CELF4: variants seen among roughly 807,000 people sequenced by gnomAD.
CELF4 encodes the protein CUGBP Elav-like family member 4.
A neutral mutation model predicts 59.9 loss-of-function variants in CELF4; 18 were observed. The ratio of observed to expected loss-of-function variants is 0.30; its 90% CI spans 0.21 to 0.45. The LOEUF is 0.45. Among genes scored for constraint, CELF4 ranks in the 20% least tolerant of loss-of-function variants. The pLI is 1.00. For synonymous variants in CELF4, 261 were observed against 267.1 expected (o/e 0.98, Z 0.22); for missense variants, 456 against 689.0 (o/e 0.66, Z 3.79).
chr18:37,472,680 T>C (rs2099836853), intron 2 of CELF4, among the ~76,000 whole-genome samples: 1 of 152,126 alleles, frequency 6.6e-6, no homozygotes, highest in Non-Finnish European at 1.5e-5. Context: ...GTGGTGGAGC[T>C]GGGATTGGAG....
intron 2 of CELF4, among the ~76,000 whole-genome samples, chr18:37,325,672 G>A (rs1038094008): frequency 2.0e-5 from 3 of 152,184 alleles, no homozygotes; most frequent in Non-Finnish European, 2.9e-5. Context: ...GTTTTACTGT[G>A]GGCTTTCTGA....
chr18:37,462,368 T>A (rs745862022), intron 2 of CELF4, among the ~76,000 whole-genome samples: 9 of 152,182 alleles, frequency 5.9e-5, no homozygotes, highest in Non-Finnish European at 1.2e-4. Flanking sequence ...TGGTGCCACA[T>A]CTCCTCTCCT....
rs539102182 is a variant in CELF4 at position 37,263,905 on chromosome 18, T to C, written c.1249+769A>G. On this transcript the variant is annotated intron_variant, in intron 10 of 12. Transcript: ENST00000420428. ...TGATAAACTCATCTCCCTCTCTCATTCCCCTCAGCCATGAGCACTCCTACT... is the reference window on the plus strand; with the variant it reads ...TGATAAACTCATCTCCCTCTCTCATCCCCCTCAGCCATGAGCACTCCTACT... 2.0e-5 allele frequency among the ~76,000 whole-genome samples: 3 copies of C among 151,912 alleles called. No homozygotes were observed. The South Asian group carries it at 6.3e-4, about 32-fold the overall frequency.
At chr18:37,409,846 C>A (rs546099728) in intron 2 of CELF4, among the ~76,000 whole-genome samples, 40 of 152,286 alleles carry the variant, frequency 2.6e-4, no homozygotes, top group Non-Finnish European at 5.0e-4. Context: ...GCCCAACCAC[C>A]TGCCATTCTG....
At chr18:37,494,557 G>A (rs2099922778) in intron 1 of CELF4, among the ~76,000 whole-genome samples, 1 of 152,172 alleles carries the variant, frequency 6.6e-6, no homozygotes, top group Admixed American at 6.5e-5. Context: ...TTGGCAGAGG[G>A]CCTTGATTTG....
At chr18:37,302,274 G>A (rs1237089069) in intron 3 of CELF4, among the ~76,000 whole-genome samples, 1 of 152,126 alleles carries the variant, frequency 6.6e-6, no homozygotes, top group Non-Finnish European at 1.5e-5. Flanking sequence ...TGCTGCTGGA[G>A]TTGGCTAAGC....
At chr18:37,461,096 G>T (rs2099792220) in intron 2 of CELF4, among the ~76,000 whole-genome samples, 1 of 152,168 alleles carries the variant, frequency 6.6e-6, no homozygotes, top group Non-Finnish European at 1.5e-5. Context: ...GGTATGAGAG[G>T]CTTGGGAGAA....
intron 1 of CELF4, among the ~76,000 whole-genome samples, chr18:37,560,932 G>C (rs2155952): frequency 0.85 from 129,075 of 152,202 alleles, 57,734 homozygotes; most frequent in Non-Finnish European, 0.98. Flanking sequence ...TCACAAATCA[G>C]CAAAACATAT....
intron 1 of CELF4, among the ~76,000 whole-genome samples, chr18:37,512,578 C>A (rs1422024350): frequency 6.6e-6 from 1 of 151,594 alleles, no homozygotes; most frequent in Non-Finnish European, 1.5e-5. Flanking sequence ...ATCTTGACAC[C>A]TTTCTCGTCT....
intron 2 of CELF4, among the ~76,000 whole-genome samples, chr18:37,470,891 A>ATGTGTGTGTGTGT (rs1491153845): frequency 1.5e-4 from 4 of 25,984 alleles, no homozygotes; most frequent in African/African-American, 5.3e-4. Context: ...TGTGTGTGAC[A>ATGTGTGTGTGTGT]GAGAGAGAGA....
chr18:37,251,925 G>GAAAC (rs1306855911), intron 12 of CELF4, among the ~76,000 whole-genome samples: 1 of 152,174 alleles, frequency 6.6e-6, no homozygotes, highest in Non-Finnish European at 1.5e-5. Flanking sequence ...GCAAGGATGG[G>GAAAC]AAACAAGCCA....
At chr18:37,473,656 C>T (rs1024807593) in intron 2 of CELF4, 2 of 152,220 alleles carry the variant, frequency 1.3e-5, no homozygotes, top group African/African-American at 4.8e-5. Flanking sequence ...TCAGCATCCT[C>T]ATGGAAGCAT....
chr18:37,482,355 A>G (rs1256577749), intron 2 of CELF4, among the ~76,000 whole-genome samples: 1 of 152,186 alleles, frequency 6.6e-6, no homozygotes, highest in Non-Finnish European at 1.5e-5. Flanking sequence ...TGAGGGCGAG[A>G]GAGGCAGAGA....
intron 1 of CELF4, among the ~76,000 whole-genome samples, chr18:37,557,397 C>T (rs940199521): frequency 6.6e-6 from 1 of 152,214 alleles, no homozygotes; most frequent in African/African-American, 2.4e-5. Context: ...CTCACAATCC[C>T]GGTCCTTGAA....
At chr18:37,556,577 C>G (rs543111416) in intron 1 of CELF4, among the ~76,000 whole-genome samples, 34 of 152,300 alleles carry the variant, frequency 2.2e-4, no homozygotes, top group Non-Finnish European at 2.1e-4. Flanking sequence ...CTGTGCATCT[C>G]TGTGGCTGCT....
intron 2 of CELF4, among the ~76,000 whole-genome samples, chr18:37,427,833 T>C (rs2099623527): frequency 6.6e-6 from 1 of 152,214 alleles, no homozygotes; most frequent in Non-Finnish European, 1.5e-5. Flanking sequence ...GGTTGATAGA[T>C]AGACAGGGGA....
chr18:37,397,757 G>C (rs2099263234), intron 2 of CELF4, among the ~76,000 whole-genome samples: 1 of 152,204 alleles, frequency 6.6e-6, no homozygotes, highest in South Asian at 2.1e-4. Context: ...GGGTATGTTG[G>C]CTTTTTATCA....
At chr18:37,279,496 C>T (rs2093846821) in intron 3 of CELF4, among the ~76,000 whole-genome samples, 1 of 152,212 alleles carries the variant, frequency 6.6e-6, no homozygotes, top group African/African-American at 2.4e-5. Flanking sequence ...CGGGTTCCTC[C>T]TGGTCAAGGG....
intron 2 of CELF4, among the ~76,000 whole-genome samples, chr18:37,351,823 A>G (rs1378363911): frequency 5.3e-5 from 8 of 151,984 alleles, no homozygotes; most frequent in African/African-American, 1.9e-4. Context: ...CATCTTAGCG[A>G]GGCTGGTCTC....
Sources: gnomAD v4.1 joint callset for allele counts (sites outside exome capture counted in the v4.1 genomes callset) on GRCh38, gnomAD v4.1.1 for gene constraint, MANE v1.5 for transcripts, NCBI Gene and HGNC (gene_info 2026-07-23, HGNC 2026-07-21) for gene names.